Variants in LARP1B observed in about 807,000 individuals in gnomAD.
The protein encoded by LARP1B is La ribonucleoprotein 1B, also known as la-related protein 1B.
A neutral mutation model predicts 114.2 loss-of-function variants in LARP1B; 76 were observed. That is an observed-to-expected ratio of 0.67 (90% CI 0.55 to 0.81). LARP1B has a LOEUF of 0.81. Ranked by LOEUF, LARP1B falls within the 30% of genes least tolerant of loss-of-function variation. The probability of loss-of-function intolerance (pLI) is 0.00; values close to 1 mark genes in which losing one functional copy is unlikely to be tolerated. For synonymous variants in LARP1B, 345 were observed against 348.0 expected, an observed-to-expected ratio of 0.99 and a Z score of 0.10; for missense variants, 1,014 against 1,075.8, an observed-to-expected ratio of 0.94 and a Z score of 0.80.
At chr4:128,126,525 A>G (rs1053199771) in intron 11 of LARP1B, among the ~76,000 whole-genome samples, 3 of 152,204 alleles carry the variant, frequency 2.0e-5, no homozygotes, top group Admixed American at 2.0e-4. Context: ...AAGAAATCCT[A>G]AAGAATAACG....
At chr4:128,074,883 T>TA (rs2149389992) in intron 2 of LARP1B, 51 bp from the exon 3 acceptor site, 6 of 1,278,296 alleles carry the variant, frequency 4.7e-6, no homozygotes, top group Non-Finnish European at 6.7e-6. Context: ...TTTTCCTGCT[T>TA]AAAATTTCTA....
In LARP1B at chr4:128,083,637, C is replaced by T. The variant is rs1216728190; in HGVS notation, c.358+1332C>T. Among the ~76,000 whole-genome samples the T allele has an allele frequency of 2.1e-5, 3 of 142,172 alleles. No individual in the cohort carries two copies. The East Asian group carries it at 6.5e-4, about 31-fold the overall frequency. 93.3% of individuals were successfully genotyped at this position (142,172 alleles called of 152,430 possible). A position where few individuals can be genotyped will look rare whatever the true frequency, so the allele number is the denominator to read the frequency against. On this transcript the variant is annotated intron_variant, in intron 5 of 19. Transcript: ENST00000326639. ...GGGCGGGGTGCTGACCCCCCCACCT[C>T]CCTCCCGGACGGGGCGGCTGGCCAG... is the stretch of plus-strand genomic sequence containing the variant.
Position 128,211,661 on chromosome 4 carries a change from G to A in LARP1B, c.*1608G>A. The A allele has an allele frequency of 3.0e-6, 3 of 985,114 alleles. No individual in the cohort carries two copies. Among genetic ancestry groups the A allele is most frequent in the Non-Finnish European group, 3.6e-6 (3 of 829,696 alleles). The allele number at this position is 985,114 out of a possible 1,614,324, so 61.0% of individuals were successfully genotyped here. Reference sequence around the variant, plus strand: ...TGGGGTATGTAGTTCCAGCTTTTCAGTGAGAAATTTCCAAACCGTGCTTAT... The same window carrying A: ...TGGGGTATGTAGTTCCAGCTTTTCAATGAGAAATTTCCAAACCGTGCTTAT... On this transcript the variant is annotated 3_prime_UTR_variant, in exon 20 of 20. Coordinates refer to ENST00000326639, the MANE Select transcript of LARP1B (RefSeq NM_018078.4).
At chr4:128,061,914 G>C in intron 1 of LARP1B, 4 of 985,230 alleles carry the variant, frequency 4.1e-6, no homozygotes, top group Non-Finnish European at 4.8e-6. Context: ...CTGGGACGCA[G>C]CGTGCCCCAG....
rs1746468543 is a variant in LARP1B, at chr4:128,176,913, A to G, written c.1684+6A>G. On this transcript the variant is annotated splice_donor_region_variant and intron_variant, in intron 13 of 19. Transcript: ENST00000326639. Reference sequence around the variant, plus strand: ...GCTTCACATTCCCAAGAAAGGTAACATCTGTGGTGGGTATTAAAGGGAGGC... The same window carrying G: ...GCTTCACATTCCCAAGAAAGGTAACGTCTGTGGTGGGTATTAAAGGGAGGC... 3 of 1,613,484 alleles carry G rather than the reference A, an allele frequency of 1.9e-6. No homozygotes were observed. Among genetic ancestry groups the G allele is most frequent in the East Asian group, 4.5e-5 (2 of 44,868 alleles).
intron 17 of LARP1B, among the ~76,000 whole-genome samples, chr4:128,204,421 G>C (rs759908506): frequency 6.6e-6 from 1 of 152,076 alleles, no homozygotes; most frequent in Admixed American, 6.6e-5. Context: ...TTGGGAGACC[G>C]AGGTAGGTGG....
At chr4:128,150,242 A>G (rs1732134919) in intron 11 of LARP1B, among the ~76,000 whole-genome samples, 1 of 152,060 alleles carries the variant, frequency 6.6e-6, no homozygotes, top group South Asian at 2.1e-4. Context: ...GTCTGAGATT[A>G]TGACCCATAA....
chr4:128,086,313 A>G (rs1272517365), intron 5 of LARP1B, among the ~76,000 whole-genome samples: 1 of 151,228 alleles, frequency 6.6e-6, no homozygotes, highest in African/African-American at 2.4e-5. Flanking sequence ...CCGCTTTGTC[A>G]TAGTATTCTT....
chr4:128,069,527 AGAGAGCT>A, intron 1 of LARP1B: 1 of 747,766 alleles, frequency 1.3e-6, no homozygotes, highest in East Asian at 2.5e-5. Flanking sequence ...TGTGGAGAGC[AGAGAGCT>A]GGTGGTACTG....
At chr4:128,107,618 C>T in intron 9 of LARP1B, 1 of 1,394,908 alleles carries the variant, frequency 7.2e-7, no homozygotes, top group Non-Finnish European at 9.3e-7. Context: ...ATCGTTTTCC[C>T]CTGTAAAATT....
At chr4:128,098,093 TG>T in intron 7 of LARP1B, 92 bp from the exon 8 acceptor site, 1 of 959,198 alleles carries the variant, frequency 1.0e-6, no homozygotes, top group African/African-American at 1.6e-5. Flanking sequence ...AATATTTTCA[TG>T]TTAATGATTG....
chr4:128,180,363 A>G (rs959026223), intron 15 of LARP1B, among the ~76,000 whole-genome samples: 6 of 152,238 alleles, frequency 3.9e-5, no homozygotes, highest in African/African-American at 1.4e-4. Context: ...GGTTACTAGA[A>G]AAGAAGGATT....
chr4:128,155,540 A>C (rs1370919143), intron 11 of LARP1B: 1 of 793,936 alleles, frequency 1.3e-6, no homozygotes, highest in Non-Finnish European at 2.3e-6. Context: ...GAGGAGCTGC[A>C]GTGGATGGTA....
chr4:128,098,513 A>G (rs911882869), intron 8 of LARP1B, among the ~76,000 whole-genome samples, 183 bp downstream of exon 8: 24 of 151,612 alleles, frequency 1.6e-4, no homozygotes, highest in African/African-American at 5.8e-4. Context: ...GAAACCCCTG[A>G]AAGTATTGCT....
intron 9 of LARP1B, among the ~76,000 whole-genome samples, chr4:128,109,205 T>C (rs1783133672): frequency 6.6e-6 from 1 of 152,114 alleles, no homozygotes; most frequent in Admixed American, 6.6e-5. Flanking sequence ...GAGAGTAGTA[T>C]GTCACCAAAA....
At chr4:128,151,965 C>T (rs1015540745) in intron 11 of LARP1B, among the ~76,000 whole-genome samples, 1 of 152,106 alleles carries the variant, frequency 6.6e-6, no homozygotes, top group East Asian at 1.9e-4. Context: ...TATATGCTCT[C>T]CAGAGACATG....
intron 12 of LARP1B, among the ~76,000 whole-genome samples, chr4:128,164,944 A>G (rs1485227404): frequency 6.6e-6 from 1 of 152,188 alleles, no homozygotes; most frequent in Non-Finnish European, 1.5e-5. Context: ...CTAATGTTAC[A>G]TGTGACAAAA....
chr4:128,063,273 G>T (rs1259195945), intron 1 of LARP1B, among the ~76,000 whole-genome samples: 1 of 149,730 alleles, frequency 6.7e-6, no homozygotes, highest in Non-Finnish European at 1.5e-5. Flanking sequence ...CTAGAAATAC[G>T]ATCATTAGCC....
intron 9 of LARP1B, chr4:128,108,125 C>G: frequency 3.8e-6 from 5 of 1,329,080 alleles, no homozygotes; most frequent in Non-Finnish European, 4.8e-6. Flanking sequence ...GACTGCTACT[C>G]TTTTTATAGG....
Sources: allele counts gnomAD v4.1 joint callset (sites outside exome capture counted in the v4.1 genomes callset), GRCh38; gene constraint gnomAD v4.1.1; transcripts MANE v1.5; gene names NCBI Gene and HGNC (gene_info 2026-07-23, HGNC 2026-07-21).